Variants in GALNT17 observed in about 807,000 individuals in gnomAD.
GALNT17 encodes polypeptide N-acetylgalactosaminyltransferase 17, also known as UDP-GalNAc:polypeptide N-acetylgalactosaminyltransferase-like 3.
GALNT17 carries 29 observed loss-of-function variants against 63.7 expected under a neutral mutation model. The ratio of observed to expected loss-of-function variants is 0.46; its 90% confidence interval spans 0.34 to 0.62. GALNT17 has a LOEUF of 0.62. Among genes scored for constraint, GALNT17 ranks in the 20% least tolerant of loss-of-function variants. The pLI, the probability that GALNT17 is intolerant of heterozygous loss-of-function variation, is 0.01. For missense variants in GALNT17, 603 were observed against 799.6 expected (o/e 0.75, Z 2.97); for synonymous variants, 305 against 318.3 (o/e 0.96, Z 0.45).
chr7:71,658,904 C>T (rs1003658998), intron 6 of GALNT17, among the ~76,000 whole-genome samples: 1 of 151,828 alleles, frequency 6.6e-6, no homozygotes, highest in African/African-American at 2.4e-5. Context: ...AAAAAAATCC[C>T]TCAAATCTAT....
At chr7:71,199,399 C>T (rs115101940) in intron 1 of GALNT17, among the ~76,000 whole-genome samples, 2 of 152,020 alleles carry the variant, frequency 1.3e-5, no homozygotes, top group Admixed American at 6.6e-5. Context: ...GATTTCTAAC[C>T]GTCCATCATC....
chr7:71,339,625 G>A (rs760954251), intron 2 of GALNT17, among the ~76,000 whole-genome samples: 14 of 152,090 alleles, frequency 9.2e-5, no homozygotes, highest in Non-Finnish European at 1.6e-4. Context: ...GTTAGGTGGA[G>A]GTTGCAGTGA....
At chr7:71,381,866 G>C (rs61422772) in intron 2 of GALNT17, among the ~76,000 whole-genome samples, 1,829 of 152,294 alleles carry the variant, frequency 0.012, 37 homozygotes, top group African/African-American at 0.042. Flanking sequence ...GTGAGACTTG[G>C]TCTTGCAGCC....
chr7:71,452,752 G>C (rs1226471993), intron 5 of GALNT17, among the ~76,000 whole-genome samples: 1 of 152,188 alleles, frequency 6.6e-6, no homozygotes, highest in African/African-American at 2.4e-5. Context: ...TTCTAGTGCA[G>C]TATCTGATAA....
chr7:71,549,610 T>G (rs527698779), intron 5 of GALNT17, among the ~76,000 whole-genome samples: 1 of 152,232 alleles, frequency 6.6e-6, no homozygotes, highest in Non-Finnish European at 1.5e-5. Flanking sequence ...ATAAATATAT[T>G]ACAATATACA....
chr7:71,315,392 A>C (rs1791482547), intron 1 of GALNT17, among the ~76,000 whole-genome samples: 1 of 152,116 alleles, frequency 6.6e-6, no homozygotes, highest in Non-Finnish European at 1.5e-5. Context: ...CATACCTAGG[A>C]GCGGAATTGT....
chr7:71,332,689 GTTTGTTTTGTTTT>G (rs1490193425), intron 1 of GALNT17, among the ~76,000 whole-genome samples: 3 of 150,284 alleles, frequency 2.0e-5, no homozygotes, highest in Non-Finnish European at 4.5e-5. Flanking sequence ...TTGTTTGTTT[GTTTGTTTTGTTTT>G]TGTTTTTGAG....
intron 5 of GALNT17, among the ~76,000 whole-genome samples, chr7:71,495,346 G>A (rs1460164034): frequency 1.3e-5 from 2 of 151,954 alleles, no homozygotes; most frequent in African/African-American, 4.8e-5. Flanking sequence ...GACAAGCAAA[G>A]ACACTGTACT....
intron 5 of GALNT17, 30 bp from the exon 6 acceptor site, chr7:71,571,255 A>G (rs970048272): frequency 6.2e-7 from 1 of 1,603,596 alleles, no homozygotes; most frequent in East Asian, 2.2e-5. Flanking sequence ...TGACACCTCA[A>G]TGAGCTTCCC....
intron 1 of GALNT17, among the ~76,000 whole-genome samples, chr7:71,167,606 T>C (rs1788466277): frequency 6.6e-6 from 1 of 152,198 alleles, no homozygotes; most frequent in African/African-American, 2.4e-5. Context: ...TTCTATTCAT[T>C]CTTTTATGGA....
chr7:71,662,987 C>T (rs184412088), intron 6 of GALNT17, among the ~76,000 whole-genome samples: 85 of 152,214 alleles, frequency 5.6e-4, no homozygotes, highest in Non-Finnish European at 1.0e-3. Context: ...TGTCTTGACA[C>T]CCTTGTTGAA....
At chr7:71,474,995 C>T (rs1037752253) in intron 5 of GALNT17, among the ~76,000 whole-genome samples, 1 of 152,034 alleles carries the variant, frequency 6.6e-6, no homozygotes, top group Non-Finnish European at 1.5e-5. Context: ...GGAATGCCGG[C>T]AGCCACCAGA....
At chr7:71,366,760 C>T (rs1792518437) in intron 2 of GALNT17, among the ~76,000 whole-genome samples, 1 of 152,176 alleles carries the variant, frequency 6.6e-6, no homozygotes, top group Non-Finnish European at 1.5e-5. Context: ...CTCTAAAGGA[C>T]TCTGCCTGTT....
intron 5 of GALNT17, among the ~76,000 whole-genome samples, chr7:71,503,287 C>T (rs12699041): frequency 0.52 from 78,700 of 151,992 alleles, 22,099 homozygotes; most frequent in Non-Finnish European, 0.65. Context: ...GTCACCCAGG[C>T]TGGAGTGCAG....
At chr7:71,474,326 G>A (rs1787688407) in intron 5 of GALNT17, among the ~76,000 whole-genome samples, 1 of 152,070 alleles carries the variant, frequency 6.6e-6, no homozygotes, top group Non-Finnish European at 1.5e-5. Flanking sequence ...CCTGTATCTT[G>A]TGCTCACCTC....
At chr7:71,570,440 C>G (rs955872177) in intron 5 of GALNT17, among the ~76,000 whole-genome samples, 3 of 152,150 alleles carry the variant, frequency 2.0e-5, no homozygotes, top group African/African-American at 7.2e-5. Context: ...CTTCCTCTCT[C>G]CAGTTTCCCA....
intron 6 of GALNT17, among the ~76,000 whole-genome samples, chr7:71,579,295 A>G (rs1279582290): frequency 6.6e-6 from 1 of 152,208 alleles, no homozygotes; most frequent in Non-Finnish European, 1.5e-5. Context: ...CAACAGTTCA[A>G]CTGAATACTT....
intron 1 of GALNT17, among the ~76,000 whole-genome samples, chr7:71,245,333 C>T (rs1179031585): frequency 6.6e-6 from 1 of 152,116 alleles, no homozygotes; most frequent in Non-Finnish European, 1.5e-5. Flanking sequence ...AAAAACCATC[C>T]TAATTTTGTG....
chr7:71,562,208 TCTAGC>T (rs1306040635), intron 5 of GALNT17, among the ~76,000 whole-genome samples: 1 of 152,142 alleles, frequency 6.6e-6, no homozygotes, highest in Non-Finnish European at 1.5e-5. Context: ...CAAGCAATCC[TCTAGC>T]CTTGGCCTCC....
Sources: allele counts gnomAD v4.1 joint callset (sites outside exome capture counted in the v4.1 genomes callset), GRCh38; gene constraint gnomAD v4.1.1; transcripts MANE v1.5; gene names NCBI Gene and HGNC (gene_info 2026-07-23, HGNC 2026-07-21).